TEX11: variants seen among roughly 807,000 people sequenced by gnomAD.
The protein encoded by TEX11 is testis-expressed protein 11.
A neutral mutation model predicts 84.4 loss-of-function variants in TEX11; 7 were observed. The ratio of observed to expected loss-of-function variants is 0.08; its 90% CI spans 0.05 to 0.16. The LOEUF is 0.16. Ranked by LOEUF, TEX11 falls within the 10% of genes least tolerant of loss-of-function variation. TEX11 has a pLI of 1.00. For missense variants in TEX11, 551 were observed against 660.5 expected, an observed-to-expected ratio of 0.83 and a Z score of 1.82; for synonymous variants, 264 against 222.8, an observed-to-expected ratio of 1.18 and a Z score of -1.64.
intron 21 of TEX11, among the ~76,000 whole-genome samples, chrX:70,610,212 G>A (rs776697683): frequency 1.6e-3 from 118 of 71,936 alleles, no homozygotes; most frequent in South Asian, 0.011. Flanking sequence ...GGAAGGAAGA[G>A]AGGGAGGGAG....
rs751035225 is a variant in TEX11, at chrX:70,694,447, A to T, written c.1005-11622T>A. On this transcript the variant is annotated intron_variant, in intron 13 of 29. Transcript: ENST00000374333. ...GCATTTCACAAAAAGGGATACACAC[A>T]TGAAAAGCAAATGAAAAAAATGCTC... Among the ~76,000 whole-genome samples the T allele has an allele frequency of 1.2e-4, 13 of 112,238 alleles. No homozygotes were observed. The South Asian group carries it at 3.0e-3, about 26-fold the overall frequency.
intron 9 of TEX11, among the ~76,000 whole-genome samples, chrX:70,788,973 TAGAGAG>T (rs35956435): frequency 4.8e-3 from 46 of 9,541 alleles, no homozygotes; most frequent in Non-Finnish European, 5.6e-3. Flanking sequence ...TATATATATA[TAGAGAG>T]AGAGAGAGAG....
intron 4 of TEX11, among the ~76,000 whole-genome samples, chrX:70,868,238 AAAG>A (rs1301238275): frequency 1.8e-5 from 2 of 112,080 alleles, no homozygotes; most frequent in Non-Finnish European, 3.8e-5. Context: ...CCACTTCTCA[AAAG>A]AAGACATTTT....
At chrX:70,846,694 T>C (rs775204944) in intron 7 of TEX11, among the ~76,000 whole-genome samples, 14 of 111,090 alleles carry the variant, frequency 1.3e-4, no homozygotes, top group South Asian at 3.8e-4. Context: ...GAGGCCAAGG[T>C]GGGTGGATTG....
the TEX11 span, among the ~76,000 whole-genome samples, chrX:70,516,468 C>T: frequency 9.0e-6 from 1 of 111,609 alleles, no homozygotes; most frequent in Non-Finnish European, 1.9e-5. Flanking sequence ...CTGTTCTATT[C>T]CATTGGTCTA....
At chrX:70,742,299 T>A (rs2090738316) in intron 10 of TEX11, among the ~76,000 whole-genome samples, 1 of 109,845 alleles carries the variant, frequency 9.1e-6, no homozygotes, top group African/African-American at 3.3e-5. Context: ...ATTATTATAG[T>A]TAATTGAGTC....
At chrX:70,821,107 G>A (rs192180355) in intron 8 of TEX11, among the ~76,000 whole-genome samples, 250 of 111,717 alleles carry the variant, frequency 2.2e-3, no homozygotes, top group Non-Finnish European at 3.6e-3. Context: ...CCATATATCT[G>A]ATGAGGAATT....
intron 2 of TEX11, among the ~76,000 whole-genome samples, chrX:70,885,578 T>C (rs12397198): frequency 0.15 from 16,714 of 110,735 alleles, 1,265 homozygotes; most frequent in Non-Finnish European, 0.22. Context: ...TCACATCCAT[T>C]AAGATAACCA....
At chrX:70,679,801 G>C (rs1419658539) in intron 14 of TEX11, among the ~76,000 whole-genome samples, 2 of 96,032 alleles carry the variant, frequency 2.1e-5, no homozygotes, top group African/African-American at 7.8e-5. Context: ...CCCCCCGCCC[G>C]GCCAGCCGCC....
intron 25 of TEX11, among the ~76,000 whole-genome samples, chrX:70,571,177 C>G (rs921470200): frequency 9.0e-6 from 1 of 111,250 alleles, no homozygotes; most frequent in African/African-American, 3.3e-5. Context: ...TGCCACCATG[C>G]CTGGCTAATT....
chrX:70,771,280 T>C (rs2090970360), intron 9 of TEX11, among the ~76,000 whole-genome samples: 1 of 112,315 alleles, frequency 8.9e-6, no homozygotes, highest in Non-Finnish European at 1.9e-5. Flanking sequence ...AAGGACCTAG[T>C]CTCTAACCTA....
rs181144699 is a variant in TEX11 at position 70,716,729 on chromosome X, G to A, written c.1004+5889C>T. Among the ~76,000 whole-genome samples the A allele has an allele frequency of 4.2e-3, 471 of 112,111 alleles. 5 individuals carry two copies. The highest frequency in any genetic ancestry group is 5.2e-3 in the Non-Finnish European group (274 of 53,158). On this transcript the variant is annotated intron_variant, in intron 13 of 29. Transcript: ENST00000374333. ...AATTCCCTGACCCCTTGTACTTTCC[G>A]GGTGAGGCCATGCCTCGCCCTGCTT...
At chrX:70,786,687 A>C (rs1202216380) in intron 9 of TEX11, among the ~76,000 whole-genome samples, 1 of 111,979 alleles carries the variant, frequency 8.9e-6, no homozygotes, top group Non-Finnish European at 1.9e-5. Flanking sequence ...CTAGCAACTG[A>C]ATTCAACAAC....
At chrX:70,515,096 C>CAG in the TEX11 span, among the ~76,000 whole-genome samples, 3 of 81,536 alleles carry the variant, frequency 3.7e-5, no homozygotes, top group Non-Finnish European at 6.1e-5. Flanking sequence ...CACACACACA[C>CAG]AGAAAGAAGG....
In TEX11 at chrX:70,880,005, C is replaced by T; in HGVS notation, c.142G>A (p.Glu48Lys). ...IANINRESMA[E>K]ITDIQIEEMA... ...ATACTAACCTGAATGTCTGTTATTT[C>T]AGCCATAGACTCCCTGTTGATATTT... The change falls in exon 3 of 30, where the codon GAA becomes AAA. Residue 48 changes from glutamate to lysine, a missense_variant. Transcript: ENST00000374333. 1 of 1,185,750 alleles carries T rather than the reference C, an allele frequency of 8.4e-7. No individual in the cohort carries two copies. The highest frequency in any genetic ancestry group is 1.1e-6 in the Non-Finnish European group (1 of 879,874).
intron 28 of TEX11, among the ~76,000 whole-genome samples, chrX:70,533,402 T>C (rs1248871353): frequency 2.7e-5 from 3 of 111,955 alleles, no homozygotes; most frequent in African/African-American, 6.5e-5. Flanking sequence ...ACTCAGGTAA[T>C]AGTTAAAGTG....
intron 15 of TEX11, among the ~76,000 whole-genome samples, chrX:70,678,562 T>G (rs1360823731): frequency 1.8e-5 from 2 of 110,422 alleles, no homozygotes; most frequent in African/African-American, 6.6e-5. Flanking sequence ...TATATCTTAA[T>G]ATCAGCGATG....
rs557647931 is a variant in TEX11, at chrX:70,900,719, T to C, written c.37+7034A>G. Reference sequence around the variant, plus strand: ...CTATAATCCCAGCAGTTTGGGAGGCTGAGGTGGGTGGATCACTTGAGGCCA... The same window carrying C: ...CTATAATCCCAGCAGTTTGGGAGGCCGAGGTGGGTGGATCACTTGAGGCCA... On this transcript the variant is annotated intron_variant, in intron 2 of 29. Transcript: ENST00000374333. Among the ~76,000 whole-genome samples the C allele has an allele frequency of 2.2e-3, 248 of 111,070 alleles. 1 individual carries two copies. The highest frequency in any genetic ancestry group is 7.9e-3 in the African/African-American group (242 of 30,696).
chrX:70,733,399 C>T (rs2090670136), intron 11 of TEX11, among the ~76,000 whole-genome samples: 6 of 111,682 alleles, frequency 5.4e-5, no homozygotes, highest in Admixed American at 3.8e-4. Flanking sequence ...TTGCAATCTA[C>T]TCATCTGACA....
Sources: gnomAD v4.1 joint callset for allele counts (sites outside exome capture counted in the v4.1 genomes callset) on GRCh38, gnomAD v4.1.1 for gene constraint, MANE v1.5 for transcripts, NCBI Gene and HGNC (gene_info 2026-07-23, HGNC 2026-07-21) for gene names.